Variants in VPS13B observed in about 807,000 individuals in gnomAD.
VPS13B encodes the protein vacuolar protein sorting 13 homolog B, also known as intermembrane lipid transfer protein VPS13B.
A neutral mutation model predicts 426.4 loss-of-function variants in VPS13B; 285 were observed. The ratio of observed to expected loss-of-function variants is 0.67; its 90% CI spans 0.61 to 0.74. The LOEUF (loss-of-function observed/expected upper bound fraction) is 0.74, where lower values mean the gene tolerates loss of function less well. Ranked by LOEUF, VPS13B falls within the 30% of genes least tolerant of loss-of-function variation. The pLI, the probability that VPS13B is intolerant of heterozygous loss-of-function variation, is 0.00. For missense variants in VPS13B, 4,537 were observed against 4,782.6 expected (o/e 0.95, Z 1.51); for synonymous variants, 1,676 against 1,676.4 (o/e 1.00, Z 0.01).
chr8:99,156,681 A>C lies in VPS13B; in HGVS notation c.2146A>C (p.Ser716Arg). The C allele has an allele frequency of 4.3e-6, 7 of 1,614,116 alleles. No individual in the cohort carries two copies. Among genetic ancestry groups the C allele is most frequent in the Non-Finnish European group, 5.9e-6 (7 of 1,179,944 alleles). The change falls in exon 15 of 62, where the codon AGC becomes CGC. Residue 716 changes from serine (S) to arginine (R), a missense_variant. By Grantham distance (110) the Ser-to-Arg change is moderately radical. Coordinates refer to ENST00000357162, the MANE Select transcript of VPS13B (RefSeq NM_152564.5). ...TGCTGAACAGTTGGTGCATGTGGTC[A>C]GCAGCCTTACTCAACCTTCTGATAA... is the stretch of plus-strand genomic sequence containing the variant. ...MYAEQLVHVVSSLTQPSDNLL... is the reference protein window; with the variant it reads ...MYAEQLVHVVRSLTQPSDNLL...
intron 3 of VPS13B, among the ~76,000 whole-genome samples, chr8:99,060,280 G>A (rs1469479102): frequency 6.6e-6 from 1 of 152,092 alleles, no homozygotes; most frequent in Non-Finnish European, 1.5e-5. Flanking sequence ...CTATTTGGGA[G>A]ATATAGTGTG....
chr8:99,808,434 T>C (rs1409563673), intron 43 of VPS13B, among the ~76,000 whole-genome samples: 1 of 149,664 alleles, frequency 6.7e-6, no homozygotes, highest in Non-Finnish European at 1.5e-5. Flanking sequence ...GAGAATCGCT[T>C]GAACCCAGGA....
chr8:99,450,596 C>T (rs1818142764), intron 23 of VPS13B, among the ~76,000 whole-genome samples: 1 of 152,046 alleles, frequency 6.6e-6, no homozygotes, highest in African/African-American at 2.4e-5. Context: ...GCCTGTAGTC[C>T]CAGCTACTCA....
At chr8:99,424,977 T>A (rs200048321) in intron 21 of VPS13B, among the ~76,000 whole-genome samples, 1 of 152,064 alleles carries the variant, frequency 6.6e-6, no homozygotes, top group Non-Finnish European at 1.5e-5. Flanking sequence ...GAAATGGATA[T>A]ATTCCTCAAC....
At chr8:99,101,362 G>C (rs749387451) in intron 4 of VPS13B, among the ~76,000 whole-genome samples, 1 of 152,108 alleles carries the variant, frequency 6.6e-6, no homozygotes, top group Non-Finnish European at 1.5e-5. Flanking sequence ...TCCATCTTTT[G>C]ACCTTGTGAT....
At chr8:99,516,513 G>T (rs981574871) in intron 29 of VPS13B, among the ~76,000 whole-genome samples, 1 of 151,938 alleles carries the variant, frequency 6.6e-6, no homozygotes, top group African/African-American at 2.4e-5. Flanking sequence ...TGTAGGCCAG[G>T]CATGGTGGCT....
chr8:99,866,853 G>A (rs1817130188), intron 58 of VPS13B, among the ~76,000 whole-genome samples: 1 of 152,206 alleles, frequency 6.6e-6, no homozygotes, highest in South Asian at 2.1e-4. Context: ...GCTCCCAGCT[G>A]AGCGCCAGGC....
At chr8:99,545,488 A>G (rs1240281500) in intron 30 of VPS13B, among the ~76,000 whole-genome samples, 1 of 152,080 alleles carries the variant, frequency 6.6e-6, no homozygotes, top group East Asian at 1.9e-4. Context: ...TTTAAATTGT[A>G]TTTAATTTTA....
At chr8:99,444,883 G>A (rs1817837864) in intron 23 of VPS13B, among the ~76,000 whole-genome samples, 1 of 151,936 alleles carries the variant, frequency 6.6e-6, no homozygotes, top group African/African-American at 2.4e-5. Context: ...GGTTGGTATC[G>A]AACTCCTGGG....
intron 40 of VPS13B, among the ~76,000 whole-genome samples, chr8:99,775,879 G>C (rs1429452568): frequency 1.3e-5 from 2 of 151,814 alleles, no homozygotes; most frequent in Non-Finnish European, 2.9e-5. Context: ...GCCTGGCCTG[G>C]ACAACAAAAG....
At chr8:99,187,143 G>T (rs550926864) in intron 16 of VPS13B, among the ~76,000 whole-genome samples, 2 of 151,918 alleles carry the variant, frequency 1.3e-5, no homozygotes, top group Non-Finnish European at 2.9e-5. Flanking sequence ...GTACATTTTC[G>T]TATTATAGGA....
intron 22 of VPS13B, among the ~76,000 whole-genome samples, chr8:99,441,469 G>A (rs1045190705): frequency 3.2e-4 from 48 of 152,068 alleles, no homozygotes; most frequent in African/African-American, 1.1e-3. Context: ...ATATTTTTAT[G>A]TGAAATATTT....
chr8:99,074,810 A>AT (rs1438011530), intron 3 of VPS13B, among the ~76,000 whole-genome samples: 6 of 151,506 alleles, frequency 4.0e-5, no homozygotes, highest in Non-Finnish European at 7.4e-5. Context: ...TAATTTTTGT[A>AT]TTTTTTGGTA....
At chr8:99,198,170 C>G (rs191146452) in intron 17 of VPS13B, among the ~76,000 whole-genome samples, 34 of 152,126 alleles carry the variant, frequency 2.2e-4, no homozygotes, top group Non-Finnish European at 2.2e-4. Context: ...CAAAATCTTA[C>G]CTTTTTGATG....
chr8:99,790,700 G>A (rs1039661356), intron 43 of VPS13B, among the ~76,000 whole-genome samples: 1 of 152,184 alleles, frequency 6.6e-6, no homozygotes, highest in Non-Finnish European at 1.5e-5. Flanking sequence ...AGGATGGGAA[G>A]CTGGCAAGGC....
At chr8:99,540,013 T>TTTTA (rs1823478340) in intron 30 of VPS13B, among the ~76,000 whole-genome samples, 1 of 27,116 alleles carries the variant, frequency 3.7e-5, no homozygotes, top group Non-Finnish European at 6.2e-5. Flanking sequence ...TATAAATAAA[T>TTTTA]TATATATATA....
chr8:99,262,153 A>C (rs907758041), intron 17 of VPS13B, among the ~76,000 whole-genome samples: 1 of 152,156 alleles, frequency 6.6e-6, no homozygotes, highest in Non-Finnish European at 1.5e-5. Context: ...GTGAATATTT[A>C]AAGTTCAGTT....
chr8:99,642,620 T>G, intron 34 of VPS13B, 122 bp downstream of exon 34: 1 of 865,152 alleles, frequency 1.2e-6, no homozygotes, highest in Non-Finnish European at 1.8e-6. Flanking sequence ...CTACAGAATA[T>G]GGAAAGTTCA....
intron 4 of VPS13B, among the ~76,000 whole-genome samples, chr8:99,098,079 T>G (rs1433415241): frequency 6.6e-6 from 1 of 152,200 alleles, no homozygotes. Context: ...TTAAATTAGA[T>G]TATAATTATT....
Sources: allele counts gnomAD v4.1 joint callset (sites outside exome capture counted in the v4.1 genomes callset), GRCh38; gene constraint gnomAD v4.1.1; transcripts MANE v1.5; gene names NCBI Gene and HGNC (gene_info 2026-07-23, HGNC 2026-07-21).